Variants in MAGI2 observed in about 807,000 individuals in gnomAD.
The protein encoded by MAGI2 is membrane associated guanylate kinase, WW and PDZ domain containing 2.
MAGI2 carries 35 observed loss-of-function variants against 133.3 expected under a neutral mutation model. The ratio of observed to expected loss-of-function variants is 0.26; its 90% CI spans 0.20 to 0.35. MAGI2 has a LOEUF of 0.35. Among genes scored for constraint, MAGI2 ranks in the 10% least tolerant of loss-of-function variants. MAGI2 has a pLI of 1.00. For synonymous variants in MAGI2, 729 were observed against 710.6 expected (o/e 1.03, Z -0.41); for missense variants, 1,636 against 1,863.4 (o/e 0.88, Z 2.25).
rs184062225 is a variant in MAGI2, at chr7:79,445,472, A to G, written c.301+7548T>C. Among the ~76,000 whole-genome samples, 3 of 152,358 alleles carry G rather than the reference A, an allele frequency of 2.0e-5. No homozygotes were observed. The East Asian group carries it at 5.8e-4, about 29-fold the overall frequency. ...GTGAACTCAAACAAATTTACAAGAAAAAAACAAACAACCCCATTAAAAAGT... is the reference window on the plus strand; with the variant it reads ...GTGAACTCAAACAAATTTACAAGAAGAAAACAAACAACCCCATTAAAAAGT... On this transcript the variant is annotated intron_variant, in intron 1 of 21. Coordinates refer to ENST00000354212, the MANE Select transcript of MAGI2 (RefSeq NM_012301.4).
intron 2 of MAGI2, among the ~76,000 whole-genome samples, chr7:78,957,101 T>C (rs1802442306): frequency 6.6e-6 from 1 of 151,610 alleles, no homozygotes; most frequent in Non-Finnish European, 1.5e-5. Flanking sequence ...CTGTCTCTAC[T>C]AAAAATACAA....
At chr7:79,145,674 C>A (rs2129546559) in intron 1 of MAGI2, among the ~76,000 whole-genome samples, 1 of 152,326 alleles carries the variant, frequency 6.6e-6, no homozygotes, top group Admixed American at 6.5e-5. Flanking sequence ...GCCTACAGAG[C>A]ATCTGGCTTC....
At chr7:79,210,199 A>G (rs1391841969) in intron 1 of MAGI2, among the ~76,000 whole-genome samples, 1 of 152,096 alleles carries the variant, frequency 6.6e-6, no homozygotes, top group Non-Finnish European at 1.5e-5. Flanking sequence ...GAAAAAATGG[A>G]TGAGTGTGAC....
At chr7:78,376,482 T>C (rs1155400) in intron 6 of MAGI2, among the ~76,000 whole-genome samples, 145,869 of 152,178 alleles carry the variant, frequency 0.96, 69,986 homozygotes, top group East Asian at 1. Flanking sequence ...CAAGTAGAGT[T>C]AACCTGAGTA....
intron 2 of MAGI2, among the ~76,000 whole-genome samples, chr7:78,945,725 G>T (rs1216025070): frequency 6.6e-6 from 1 of 151,970 alleles, no homozygotes; most frequent in East Asian, 1.9e-4. Flanking sequence ...TGCCACTTCT[G>T]ATCTTCAGAA....
intron 1 of MAGI2, among the ~76,000 whole-genome samples, chr7:79,406,602 T>C (rs1266660498): frequency 6.6e-6 from 1 of 152,126 alleles, no homozygotes; most frequent in African/African-American, 2.4e-5. Flanking sequence ...CTGTGATTCA[T>C]AGCTAATGAG....
chr7:79,119,613 G>T (rs370682322), intron 1 of MAGI2, among the ~76,000 whole-genome samples: 1 of 152,042 alleles, frequency 6.6e-6, no homozygotes, highest in Admixed American at 6.6e-5. Flanking sequence ...TGGAAACCTA[G>T]ATTTTATCTC....
intron 2 of MAGI2, among the ~76,000 whole-genome samples, chr7:78,805,199 A>G (rs1476891892): frequency 6.6e-6 from 1 of 151,568 alleles, no homozygotes; most frequent in Non-Finnish European, 1.5e-5. Context: ...GACAATAGAT[A>G]TTTTGTATTA....
chr7:78,896,784 T>A (rs1758960633), intron 2 of MAGI2, among the ~76,000 whole-genome samples: 1 of 151,944 alleles, frequency 6.6e-6, no homozygotes, highest in Non-Finnish European at 1.5e-5. Flanking sequence ...TATAAAAATA[T>A]AAACTGCTCT....
At chr7:79,082,061 G>C (rs1816089045) in intron 1 of MAGI2, among the ~76,000 whole-genome samples, 1 of 151,958 alleles carries the variant, frequency 6.6e-6, no homozygotes, top group Non-Finnish European at 1.5e-5. Context: ...TTTGTTAATT[G>C]AGTTACATGT....
At chr7:78,858,008 C>T (rs1793811768) in intron 2 of MAGI2, among the ~76,000 whole-genome samples, 1 of 152,096 alleles carries the variant, frequency 6.6e-6, no homozygotes, top group African/African-American at 2.4e-5. Flanking sequence ...GGAATTTATG[C>T]ATTTCTTCTA....
At chr7:79,254,331 T>G (rs569319819) in intron 1 of MAGI2, among the ~76,000 whole-genome samples, 5 of 152,240 alleles carry the variant, frequency 3.3e-5, no homozygotes, top group Admixed American at 6.5e-5. Context: ...TTGACTTGTT[T>G]ATGGCATTTT....
At chr7:78,070,216 T>C (rs75857580) in intron 21 of MAGI2, among the ~76,000 whole-genome samples, 21,839 of 51,220 alleles carry the variant, frequency 0.43, 2,770 homozygotes, top group African/African-American at 0.48. Context: ...TATATATATA[T>C]ATACACACAC....
Position 79,386,310 on chromosome 7 carries a change from C to T in MAGI2, c.301+66710G>A, listed in dbSNP as rs144827754. Among the ~76,000 whole-genome samples, 3 of 152,066 alleles carry T rather than the reference C, an allele frequency of 2.0e-5. No individual in the cohort carries two copies. In the East Asian group the frequency reaches 5.8e-4, roughly 29 times the overall value. On this transcript the variant is annotated intron_variant, in intron 1 of 21. Transcript: ENST00000354212. ...GAAACTGTCAGAATTTATGCCCAGT[C>T]ACTTCTGGTGATTAAAAGAATATTC... is the stretch of plus-strand genomic sequence containing the variant.
chr7:79,440,232 C>G (rs1028903995), intron 1 of MAGI2, among the ~76,000 whole-genome samples: 108 of 151,542 alleles, frequency 7.1e-4, no homozygotes, highest in African/African-American at 2.4e-3. Flanking sequence ...GGATTCTAGC[C>G]TTGGAATTAG....
At chr7:79,033,858 C>A (rs1417632588) in intron 1 of MAGI2, among the ~76,000 whole-genome samples, 1 of 152,086 alleles carries the variant, frequency 6.6e-6, no homozygotes, top group Non-Finnish European at 1.5e-5. Context: ...TAAAAAACAT[C>A]TGTAACAACT....
At chr7:78,710,647 C>G (rs1819094179) in intron 2 of MAGI2, among the ~76,000 whole-genome samples, 1 of 152,070 alleles carries the variant, frequency 6.6e-6, no homozygotes, top group South Asian at 2.1e-4. Context: ...GAGAGCTTAA[C>G]AGAGAGAAAT....
At chr7:78,560,498 T>C (rs1191207028) in intron 3 of MAGI2, among the ~76,000 whole-genome samples, 1 of 152,202 alleles carries the variant, frequency 6.6e-6, no homozygotes, top group African/African-American at 2.4e-5. Context: ...TAAATTATCA[T>C]CTTCTAAGAT....
intron 2 of MAGI2, among the ~76,000 whole-genome samples, chr7:78,838,128 T>C (rs918997961): frequency 7.2e-5 from 11 of 152,294 alleles, no homozygotes; most frequent in Admixed American, 7.2e-4. Context: ...AACATTCTTA[T>C]AGGAACTTGT....
Sources: gnomAD v4.1 joint callset for allele counts (sites outside exome capture counted in the v4.1 genomes callset) on GRCh38, gnomAD v4.1.1 for gene constraint, MANE v1.5 for transcripts, NCBI Gene and HGNC (gene_info 2026-07-23, HGNC 2026-07-21) for gene names.